RIT2: variants seen among roughly 807,000 people sequenced by gnomAD.
The protein encoded by RIT2 is GTP-binding protein Rit2.
Under a neutral mutation model 23.7 loss-of-function variants are expected in RIT2, and 24 were observed. That is an observed-to-expected ratio of 1.01 (90% CI 0.73 to 1.43). The LOEUF (loss-of-function observed/expected upper bound fraction) is 1.43, where lower values mean the gene tolerates loss of function less well. RIT2 is among the 40% of genes most tolerant of loss of function. The pLI is 0.00. For missense variants in RIT2, 236 were observed against 266.9 expected, an observed-to-expected ratio of 0.88 and a Z score of 0.81; for synonymous variants, 107 against 91.1, an observed-to-expected ratio of 1.17 and a Z score of -0.99.
chr18:42,800,671 A>G (rs984336200), intron 4 of RIT2, among the ~76,000 whole-genome samples: 1 of 152,010 alleles, frequency 6.6e-6, no homozygotes, highest in Admixed American at 6.6e-5. Context: ...CTGGGACTAC[A>G]GGCACCCGCC....
intron 4 of RIT2, among the ~76,000 whole-genome samples, chr18:42,893,694 GT>G (rs994033221): frequency 3.3e-5 from 5 of 152,090 alleles, no homozygotes; most frequent in African/African-American, 7.2e-5. Context: ...CTTTGAAATA[GT>G]TTTTTATATG....
At chr18:42,936,966 C>G (rs1187072860) in intron 3 of RIT2, among the ~76,000 whole-genome samples, 1 of 150,510 alleles carries the variant, frequency 6.6e-6, no homozygotes, top group Non-Finnish European at 1.5e-5. Context: ...GAGCCGAGAT[C>G]ATGCCATTAC....
chr18:42,837,148 T>TC (rs1444543766), intron 4 of RIT2, among the ~76,000 whole-genome samples: 7 of 111,944 alleles, frequency 6.3e-5, no homozygotes, highest in African/African-American at 2.1e-4. Flanking sequence ...TTTTTTTTTC[T>TC]TTTTCTTTTT....
At chr18:42,793,872 C>T (rs1368870890) in intron 4 of RIT2, among the ~76,000 whole-genome samples, 1 of 152,118 alleles carries the variant, frequency 6.6e-6, no homozygotes, top group Admixed American at 6.5e-5. Flanking sequence ...AGATGGGTAT[C>T]AAGATTAACC....
chr18:43,020,603 A>G (rs766904584), intron 2 of RIT2, among the ~76,000 whole-genome samples: 2 of 152,098 alleles, frequency 1.3e-5, no homozygotes, highest in East Asian at 1.9e-4. Context: ...TGACTTCAAC[A>G]TATGTTGTAA....
chr18:42,828,898 T>A (rs569744032), intron 4 of RIT2, among the ~76,000 whole-genome samples: 82 of 152,336 alleles, frequency 5.4e-4, no homozygotes, highest in African/African-American at 1.9e-3. Flanking sequence ...AGGCATAGAC[T>A]ATCTTAAATA....
chr18:43,026,584 G>GAAAGAAATAAAT (rs1568059804), intron 2 of RIT2, among the ~76,000 whole-genome samples: 1 of 94,092 alleles, frequency 1.1e-5, no homozygotes, highest in Non-Finnish European at 2.3e-5. Context: ...AAGAAAGAAA[G>GAAAGAAATAAAT]AAAGAAAGAA....
chr18:42,922,167 C>G (rs1258001467), intron 4 of RIT2, among the ~76,000 whole-genome samples: 1 of 152,130 alleles, frequency 6.6e-6, no homozygotes, highest in Non-Finnish European at 1.5e-5. Context: ...ATGCATTGCA[C>G]TAAATCATAG....
intron 2 of RIT2, among the ~76,000 whole-genome samples, chr18:42,988,575 TC>T (rs1910769157): frequency 6.6e-6 from 1 of 152,212 alleles, no homozygotes; most frequent in South Asian, 2.1e-4. Context: ...CCTCTCTGCT[TC>T]ATTCTCTCTG....
At chr18:43,010,513 T>C (rs1435760566) in intron 2 of RIT2, among the ~76,000 whole-genome samples, 1 of 151,856 alleles carries the variant, frequency 6.6e-6, no homozygotes, top group Non-Finnish European at 1.5e-5. Context: ...AATGATTGTA[T>C]TTCTTCTGCA....
At chr18:42,797,873 T>A (rs1905419547) in intron 4 of RIT2, among the ~76,000 whole-genome samples, 1 of 152,154 alleles carries the variant, frequency 6.6e-6, no homozygotes, top group South Asian at 2.1e-4. Flanking sequence ...CAAGGGAATA[T>A]AAGACATACA....
chr18:43,048,516 G>T (rs1372299173), intron 1 of RIT2, among the ~76,000 whole-genome samples: 1 of 152,116 alleles, frequency 6.6e-6, no homozygotes, highest in Non-Finnish European at 1.5e-5. Context: ...TTTCATAGTT[G>T]CCTCATCTAT....
intron 1 of RIT2, among the ~76,000 whole-genome samples, chr18:43,071,115 G>A (rs1912887099): frequency 6.6e-6 from 1 of 152,142 alleles, no homozygotes; most frequent in Non-Finnish European, 1.5e-5. Context: ...AAATCTTGCA[G>A]ACTATTCTGT....
At chr18:42,814,363 C>T (rs57075734) in intron 4 of RIT2, among the ~76,000 whole-genome samples, 5,274 of 152,178 alleles carry the variant, frequency 0.035, 307 homozygotes, top group African/African-American at 0.12. Context: ...GAAACAGACT[C>T]GGTGCTATTG....
intron 1 of RIT2, among the ~76,000 whole-genome samples, chr18:43,050,081 C>T (rs140258058): frequency 9.1e-5 from 13 of 142,806 alleles, no homozygotes; most frequent in South Asian, 7.0e-4. Flanking sequence ...GGATGGAGTA[C>T]AGTGGCACAA....
In RIT2 at chr18:43,053,519, T is replaced by C. The variant is rs147672367; in HGVS notation, c.104-19652A>G. Among the ~76,000 whole-genome samples, 562 of 152,162 alleles carry C rather than the reference T, an allele frequency of 3.7e-3. 3 individuals carry two copies. Among genetic ancestry groups the C allele is most frequent in the African/African-American group, 0.012 (478 of 41,544 alleles). ...GATGGTAAGGAAAAACTAAGCGTAA[T>C]GACTGGCACATAAAGGAACTAGATA... On this transcript the variant is annotated intron_variant, in intron 1 of 4. Transcript: ENST00000326695.
At position 42,768,881 on chromosome 18, in the gene RIT2, C is replaced by T. The variant is rs1326840610; in HGVS notation, c.427-25161G>A. 3.3e-5 allele frequency among the ~76,000 whole-genome samples: 5 copies of T among 152,238 alleles called. No homozygotes were observed. The East Asian group carries it at 5.8e-4, about 18-fold the overall frequency. On this transcript the variant is annotated intron_variant, in intron 4 of 4. Coordinates refer to ENST00000326695, the MANE Select transcript of RIT2 (RefSeq NM_002930.4). ...CATGTTTAAAATGATATCCCAACTTCCCTTTGGACCAATACCCTTCTATTT... is the reference window on the plus strand; with the variant it reads ...CATGTTTAAAATGATATCCCAACTTTCCTTTGGACCAATACCCTTCTATTT...
chr18:43,089,177 TC>T (rs1913358689), intron 1 of RIT2, among the ~76,000 whole-genome samples: 3 of 152,154 alleles, frequency 2.0e-5, no homozygotes, highest in Admixed American at 2.0e-4. Flanking sequence ...TGTTTGAAGA[TC>T]CTATATCTAG....
intron 3 of RIT2, among the ~76,000 whole-genome samples, chr18:42,925,446 G>C (rs1909156601): frequency 6.6e-6 from 1 of 151,640 alleles, no homozygotes; most frequent in Non-Finnish European, 1.5e-5. Flanking sequence ...TTGATCTTTA[G>C]GAAAACATAA....
Sources: gnomAD v4.1 joint callset for allele counts (sites outside exome capture counted in the v4.1 genomes callset) on GRCh38, gnomAD v4.1.1 for gene constraint, MANE v1.5 for transcripts, NCBI Gene and HGNC (gene_info 2026-07-23, HGNC 2026-07-21) for gene names.